KLF12: variants seen among roughly 807,000 people sequenced by gnomAD.
KLF12 encodes KLF transcription factor 12, also known as Krueppel-like factor 12.
A neutral mutation model predicts 37.8 loss-of-function variants in KLF12; 9 were observed. That is an observed-to-expected ratio of 0.24 (90% confidence interval 0.14 to 0.42). The LOEUF is 0.42. Among genes scored for constraint, KLF12 ranks in the 10% least tolerant of loss-of-function variants. The pLI is 1.00. For missense variants in KLF12, 411 were observed against 516.0 expected (o/e 0.80, Z 1.97); for synonymous variants, 208 against 202.1 (o/e 1.03, Z -0.25).
At chr13:73,821,749 G>A (rs1191794479) in intron 4 of KLF12, among the ~76,000 whole-genome samples, 1 of 152,096 alleles carries the variant, frequency 6.6e-6, no homozygotes, top group Non-Finnish European at 1.5e-5. Flanking sequence ...TGGGAGCAAT[G>A]ATGAGTCTTA....
chr13:73,900,396 A>G (rs951172461), intron 3 of KLF12, among the ~76,000 whole-genome samples: 1 of 152,216 alleles, frequency 6.6e-6, no homozygotes, highest in Non-Finnish European at 1.5e-5. Flanking sequence ...GCTAGTCACA[A>G]TAACTAGCAG....
chr13:73,817,674 G>A (rs1594126650), intron 4 of KLF12, among the ~76,000 whole-genome samples: 1 of 152,144 alleles, frequency 6.6e-6, no homozygotes, highest in South Asian at 2.1e-4. Context: ...GCTGAGTTTC[G>A]GTCAATCAAA....
At chr13:73,808,451 C>T (rs1882760739) in intron 5 of KLF12, among the ~76,000 whole-genome samples, 1 of 151,980 alleles carries the variant, frequency 6.6e-6, no homozygotes, top group Admixed American at 6.6e-5. Flanking sequence ...TTAGTAGACT[C>T]ATTACATAAA....
rs541666510 is a variant in KLF12 at position 73,877,042 on chromosome 13, A to G, written c.124-30669T>C. 3.1e-3 allele frequency among the ~76,000 whole-genome samples: 476 copies of G among 151,974 alleles called. 2 individuals are homozygous for G. The highest frequency in any genetic ancestry group is 5.2e-3 in the Non-Finnish European group (353 of 67,958). The stretch of plus-strand genomic sequence containing the variant: ...AAAAAAAAAAGAAAAGAAAAGAAAT[A>G]CTTTTTTGTTTGCTTGCTGTCTTAC... On this transcript the variant is annotated intron_variant, in intron 3 of 7. Coordinates refer to ENST00000377669, the MANE Select transcript of KLF12 (RefSeq NM_007249.5).
the KLF12 span, among the ~76,000 whole-genome samples, chr13:74,168,065 G>A: frequency 7.9e-5 from 12 of 152,238 alleles, no homozygotes; most frequent in South Asian, 1.0e-3. Flanking sequence ...CAAAAACAGC[G>A]TGCATCTTTC....
intron 6 of KLF12, among the ~76,000 whole-genome samples, chr13:73,741,353 A>T (rs1877967131): frequency 1.3e-5 from 2 of 152,092 alleles, no homozygotes; most frequent in African/African-American, 2.4e-5. Flanking sequence ...CTACACCAAC[A>T]ATGCTGTGAA....
the KLF12 span, among the ~76,000 whole-genome samples, chr13:74,280,881 A>G: frequency 8.4e-6 from 1 of 119,160 alleles, no homozygotes; most frequent in South Asian, 2.6e-4. Flanking sequence ...AGAAAAAGGG[A>G]GGAAAACAAA....
chr13:74,246,970 T>A, the KLF12 span, among the ~76,000 whole-genome samples: 6 of 152,190 alleles, frequency 3.9e-5, no homozygotes, highest in South Asian at 1.2e-3. Flanking sequence ...AAAGAGACTT[T>A]TAGTTGAAAA....
intron 2 of KLF12, among the ~76,000 whole-genome samples, chr13:73,980,985 C>T (rs1238702526): frequency 1.3e-5 from 2 of 152,078 alleles, no homozygotes; most frequent in Admixed American, 6.5e-5. Context: ...CGTGGCAAAA[C>T]CTTGTCTCTA....
the KLF12 span, among the ~76,000 whole-genome samples, chr13:74,151,485 T>C: frequency 2.6e-5 from 4 of 151,702 alleles, no homozygotes; most frequent in Admixed American, 2.6e-4. Flanking sequence ...AACCTGTGTC[T>C]ACAAAAAAAA....
At chr13:73,729,803 T>C (rs971085146) in intron 6 of KLF12, among the ~76,000 whole-genome samples, 2 of 152,154 alleles carry the variant, frequency 1.3e-5, no homozygotes, top group African/African-American at 4.8e-5. Flanking sequence ...AACAATTATT[T>C]TCTGTAAGTT....
the KLF12 span, among the ~76,000 whole-genome samples, chr13:74,143,207 T>A: frequency 2.6e-5 from 4 of 152,056 alleles, no homozygotes; most frequent in South Asian, 8.3e-4. Context: ...TTTCTTACTC[T>A]CTCTCTCTCT....
chr13:74,251,388 C>T, the KLF12 span, among the ~76,000 whole-genome samples: 6 of 152,066 alleles, frequency 3.9e-5, no homozygotes, highest in African/African-American at 1.2e-4. Context: ...TCAAGTGATC[C>T]GCCCACCTTG....
chr13:74,022,074 T>G (rs1460815863), intron 1 of KLF12, among the ~76,000 whole-genome samples: 1 of 152,076 alleles, frequency 6.6e-6, no homozygotes, highest in Non-Finnish European at 1.5e-5. Context: ...TTAAATCTGA[T>G]CTTTTTGTGT....
intron 1 of KLF12, among the ~76,000 whole-genome samples, chr13:74,110,690 T>C (rs1317152908): frequency 6.6e-6 from 1 of 152,110 alleles, no homozygotes; most frequent in Admixed American, 6.5e-5. Flanking sequence ...ACCAATCATA[T>C]CACAGCTGGT....
At chr13:74,027,825 A>G (rs542670686) in intron 1 of KLF12, among the ~76,000 whole-genome samples, 1 of 152,314 alleles carries the variant, frequency 6.6e-6, no homozygotes, top group East Asian at 1.9e-4. Context: ...CTTCACATAA[A>G]AAGTCAACAA....
At chr13:73,826,224 C>T (rs535361795) in intron 4 of KLF12, among the ~76,000 whole-genome samples, 76 of 152,198 alleles carry the variant, frequency 5.0e-4, no homozygotes, top group African/African-American at 1.7e-3. Flanking sequence ...CTGCCCGCCT[C>T]GGCCTCCCAA....
intron 4 of KLF12, among the ~76,000 whole-genome samples, chr13:73,820,261 G>A (rs920410454): frequency 6.6e-6 from 1 of 152,114 alleles, no homozygotes; most frequent in African/African-American, 2.4e-5. Flanking sequence ...GTCACCTCCT[G>A]CTGGCTGCAC....
chr13:74,084,129 T>G (rs1462092652), intron 1 of KLF12, among the ~76,000 whole-genome samples: 2 of 152,242 alleles, frequency 1.3e-5, no homozygotes, highest in Non-Finnish European at 2.9e-5. Context: ...CAAATTCACT[T>G]GGAGACTTGG....
Sources: allele counts gnomAD v4.1 joint callset (sites outside exome capture counted in the v4.1 genomes callset), GRCh38; gene constraint gnomAD v4.1.1; transcripts MANE v1.5; gene names NCBI Gene and HGNC (gene_info 2026-07-23, HGNC 2026-07-21).